Variants in FMNL3 observed in about 807,000 individuals in gnomAD.
FMNL3 encodes formin like 3.
In FMNL3, 57 loss-of-function variants were observed where a neutral mutation model predicts 119.6. That is an observed-to-expected ratio of 0.48 (90% CI 0.39 to 0.59). FMNL3 has a LOEUF of 0.59. Among genes scored for constraint, FMNL3 ranks in the 20% least tolerant of loss-of-function variants. FMNL3 has a pLI of 0.00. For missense variants in FMNL3, 1,053 were observed against 1,323.5 expected, an observed-to-expected ratio of 0.80 and a Z score of 3.17; for synonymous variants, 491 against 507.3, an observed-to-expected ratio of 0.97 and a Z score of 0.43.
At position 49,657,192 on chromosome 12, in the gene FMNL3, T is replaced by A; in HGVS notation, c.606-2A>T. On this transcript the variant is annotated splice_acceptor_variant, in intron 6 of 25. Coordinates refer to ENST00000335154, the MANE Select transcript of FMNL3 (RefSeq NM_175736.5). LOFTEE classifies it high-confidence loss of function. Reference sequence around the variant, plus strand: ...CTGCGCCCAGGGAGAGTGCTATACCTGGGGAGATGGGCCAGGCAGTCAGGT... The same window carrying A: ...CTGCGCCCAGGGAGAGTGCTATACCAGGGGAGATGGGCCAGGCAGTCAGGT... 6.2e-7 allele frequency: 1 copy of A among 1,611,502 alleles called. No individual in the cohort carries two copies. Among genetic ancestry groups the A allele is most frequent in the Non-Finnish European group, 8.5e-7 (1 of 1,177,876 alleles).
rs1437635788 is a variant in FMNL3 at position 49,637,585 on chromosome 12, G to T, written c.*8230C>A. 1 of 1,613,002 alleles carries T rather than the reference G, an allele frequency of 6.2e-7. No homozygotes were observed. Among genetic ancestry groups the T allele is most frequent in the East Asian group, 2.2e-5 (1 of 44,872 alleles). On this transcript the variant is annotated 3_prime_UTR_variant, in exon 26 of 26. Coordinates refer to ENST00000335154, the MANE Select transcript of FMNL3 (RefSeq NM_175736.5). ...TTTGCCAACATGCTGGGCCAGCCGG[G>T]TAAGGCAGCCAGGCTCCCCCTTCTC...
intron 21 of FMNL3, 70 bp downstream of exon 21, chr12:49,648,959 T>C (rs1013738208): frequency 1.2e-5 from 18 of 1,519,314 alleles, no homozygotes; most frequent in Middle Eastern, 3.6e-4. Flanking sequence ...GTGTTCTCTC[T>C]CCTCATAGCT....
intron 5 of FMNL3, 26 bp from the exon 6 acceptor site, chr12:49,658,620 GCATACACAGGCA>G (rs781199074): frequency 2.2e-5 from 34 of 1,572,898 alleles, no homozygotes; most frequent in Admixed American, 3.6e-5. Context: ...ACACACATGC[GCATACACAGGCA>G]CATACACAGG....
chr12:49,648,884 C>T (rs1211844575), intron 21 of FMNL3, 145 bp downstream of exon 21: 8 of 1,294,314 alleles, frequency 6.2e-6, no homozygotes. Context: ...CTGCTTAAGG[C>T]TCCAGCGGAA....
At chr12:49,671,500 C>T (rs900025109) in intron 1 of FMNL3, among the ~76,000 whole-genome samples, 12 of 152,208 alleles carry the variant, frequency 7.9e-5, no homozygotes, top group Non-Finnish European at 1.5e-4. Context: ...TCAGAAGAAA[C>T]GGGTCACTGG....
chr12:49,636,949 TCTGTG>T lies in FMNL3; in HGVS notation c.*8861_*8865del. On this transcript the variant is annotated 3_prime_UTR_variant, in exon 26 of 26. Transcript: ENST00000335154. The stretch of plus-strand genomic sequence containing the variant: ...CCTTCTGGATACGCTGCCTGTTCTT[TCTGTG>T]CCTAGCCCTGTCCAAGCTCTATGAG... 1 of 1,558,242 alleles carries T rather than the reference TCTGTG, an allele frequency of 6.4e-7. No homozygotes were observed. The highest frequency in any genetic ancestry group is 1.2e-5 in the South Asian group (1 of 86,182).
chr12:49,651,287 G>A lies in FMNL3; in HGVS notation c.1678C>T (p.Arg560Ter), dbSNP rs773386245. ...VVLTVGLSAIRIKKPIKTKFR... is the reference protein window; with the variant it reads ...VVLTVGLSAI Reference sequence around the variant, plus strand: ...TTGGTCTTGATAGGTTTCTTAATTCGAATGGCTAATTTGGAAGGAGGATCA... The same window carrying A: ...TTGGTCTTGATAGGTTTCTTAATTCAAATGGCTAATTTGGAAGGAGGATCA... The change falls in exon 16 of 26, where the codon CGA becomes TGA. Residue 560 changes from arginine (R) to a stop codon, truncating the protein, a stop_gained. Transcript: ENST00000335154. LOFTEE classifies it high-confidence loss of function. The A allele has an allele frequency of 1.9e-6, 3 of 1,611,822 alleles. No homozygotes were observed. The highest frequency in any genetic ancestry group is 1.7e-6 in the Non-Finnish European group (2 of 1,178,078).
chr12:49,669,056 T>TGTTG (rs112371204), intron 1 of FMNL3, among the ~76,000 whole-genome samples: 1 of 152,030 alleles, frequency 6.6e-6, no homozygotes, highest in Non-Finnish European at 1.5e-5. Context: ...CAACATCCAT[T>TGTTG]CCCATGGGCA....
Position 49,651,961 on chromosome 12 carries a change from G to C in FMNL3, c.1575C>G (p.Pro525=). 1.2e-6 allele frequency: 2 copies of C among 1,603,434 alleles called. No homozygotes were observed. The highest frequency in any genetic ancestry group is 1.8e-4 in the Middle Eastern group (1 of 5,652). ...GTAATGGGGGAGGTGGAGGGGGCAA[G>C]GGCGGAGCTGGTGGTGGAGGAAGAG... ...VLPLPPPPAP[P]LPPPPPPLPD... Residue 525 remains proline (P), a synonymous_variant, in exon 14 of 26, where the codon CCC becomes CCG. Coordinates refer to ENST00000335154, the MANE Select transcript of FMNL3 (RefSeq NM_175736.5).
At position 49,706,600 on chromosome 12, in the gene FMNL3, G is replaced by A. The variant is rs555204243; in HGVS notation, c.126+455C>T. Among the ~76,000 whole-genome samples, 423 of 152,196 alleles carry A rather than the reference G, an allele frequency of 2.8e-3. 5 individuals carry two copies. The highest frequency in any genetic ancestry group is 7.2e-3 in the East Asian group (37 of 5,166). On this transcript the variant is annotated intron_variant, in intron 1 of 25. Coordinates refer to ENST00000335154, the MANE Select transcript of FMNL3 (RefSeq NM_175736.5). Reference sequence around the variant, plus strand: ...GGGCTGGGAGTGGGACCCACTCCCTGGGAAGCCTCCATGTTCGCAGGAGAG... The same window carrying A: ...GGGCTGGGAGTGGGACCCACTCCCTAGGAAGCCTCCATGTTCGCAGGAGAG...
intron 25 of FMNL3, among the ~76,000 whole-genome samples, chr12:49,646,265 T>C (rs960472028): frequency 6.6e-6 from 1 of 152,192 alleles, no homozygotes; most frequent in Non-Finnish European, 1.5e-5. Flanking sequence ...AGAGCTCTTA[T>C]GAGAAGAGAA....
chr12:49,686,437 G>C (rs958936772), intron 1 of FMNL3, among the ~76,000 whole-genome samples: 2 of 151,710 alleles, frequency 1.3e-5, no homozygotes, highest in African/African-American at 4.8e-5. Context: ...AAAAAATTAG[G>C]CGTGGTGGCG....
At chr12:49,674,910 G>A (rs1487097054) in intron 1 of FMNL3, among the ~76,000 whole-genome samples, 1 of 152,208 alleles carries the variant, frequency 6.6e-6, no homozygotes, top group Non-Finnish European at 1.5e-5. Flanking sequence ...TCACACCAGG[G>A]AAGTCAGATG....
rs79437750 is a variant in FMNL3 at position 49,659,279 on chromosome 12, C to T, written c.453-685G>A. Among the ~76,000 whole-genome samples, 1,062 of 152,292 alleles carry T rather than the reference C, an allele frequency of 7.0e-3. 5 individuals are homozygous for T. Among genetic ancestry groups the T allele is most frequent in the Non-Finnish European group, 0.013 (853 of 67,998 alleles). On this transcript the variant is annotated intron_variant, in intron 5 of 25. Transcript: ENST00000335154. ...TCAGGTATACAGGCTCCCTGGGCTT[C>T]AGTTTCCCTGGGGGAAGAAATTACA...
In FMNL3 at chr12:49,658,475, C is replaced by T. The variant is rs1264702530; in HGVS notation, c.572G>A (p.Ser191Asn). The T allele has an allele frequency of 1.9e-6, 3 of 1,612,360 alleles. No individual in the cohort carries two copies. In the East Asian group the frequency reaches 6.7e-5, roughly 36 times the overall value. Reference protein sequence around the residue: ...PSALSAPFTNSLARSARQSVL... With the variant: ...PSALSAPFTNNLARSARQSVL... ...AGACTGGCGCGCAGAGCGAGCGAGG[C>T]TGTTGGTGAAGGGGGCCGACAGGGC... is the stretch of plus-strand genomic sequence containing the variant. Residue 191 changes from serine (S) to asparagine (N), a missense_variant, in exon 6 of 26, where the codon AGC (serine) becomes AAC (asparagine). Physicochemically the swap from Ser to Asn is conservative, Grantham distance 46 (BLOSUM62 1). Transcript: ENST00000335154.
chr12:49,649,324 C>A lies in FMNL3; in HGVS notation c.2320G>T (p.Gly774Trp). Reference protein sequence around the residue: ...KQMLEIILALGNYMNSSKRGA... With the variant: ...KQMLEIILALWNYMNSSKRGA... ...CGCTTGCTGCTGTTCATGTAGTTCC[C>A]CAGTGCAAGTATGATCTGTCCAAAG... Residue 774 changes from glycine (G) to tryptophan (W), a missense_variant, in exon 20 of 26, where the codon GGG (glycine) becomes TGG (tryptophan). By Grantham distance (184) the Gly-to-Trp change is radical. Around this residue, in one of 4 missense-constraint regions of FMNL3, gnomAD observed 324 missense variants for 380.9 expected, o/e 0.85. Transcript: ENST00000335154. This position sits in a 1 kb window ranked among gnomAD's most constrained non-coding sequence, Gnocchi z 5.6. 1 of 1,614,176 alleles carries A rather than the reference C, an allele frequency of 6.2e-7. No homozygotes were observed. Among genetic ancestry groups the A allele is most frequent in the Non-Finnish European group, 8.5e-7 (1 of 1,180,034 alleles).
rs747926512 is a variant in FMNL3, at chr12:49,648,334, C to T, written c.2535G>A (p.Leu845=). 14 of 1,612,554 alleles carry T rather than the reference C, an allele frequency of 8.7e-6. No homozygotes were observed. The African/African-American group carries it at 1.5e-4, about 17-fold the overall frequency. ...CCCGGCCCAGCTCCTTCACGTCCAG[C>T]AGCACGTTCTCCAGGGACACTGGTC... The part of the protein sequence containing the change: ...KAAAVSLENV[L]LDVKELGRGM... Residue 845 remains leucine, a synonymous_variant, in exon 22 of 26, where the codon CTG becomes CTA. Coordinates refer to ENST00000335154, the MANE Select transcript of FMNL3 (RefSeq NM_175736.5).
In FMNL3 at chr12:49,644,591, AC is replaced by A. The variant is rs1410576437; in HGVS notation, c.*1223del. On this transcript the variant is annotated 3_prime_UTR_variant, in exon 26 of 26. Transcript: ENST00000335154. ...CCTGCCCTGGCCCTGAGGCTCCACC[AC>A]TTCTTCCTCCACCCAGGACCTAATG... The A allele has an allele frequency of 4.2e-6, 1 of 235,326 alleles. No individual in the cohort carries two copies. The highest frequency in any genetic ancestry group is 2.2e-5 in the African/African-American group (1 of 44,620). The allele number at this position is 235,326 out of a possible 1,614,324, so 14.6% of individuals were successfully genotyped here.
In FMNL3 at chr12:49,666,226, T is replaced by C; in HGVS notation, c.211-19A>G. On this transcript the variant is annotated intron_variant, in intron 2 of 25. Coordinates refer to ENST00000335154, the MANE Select transcript of FMNL3 (RefSeq NM_175736.5). ...ATCGTTCCTGTAAGGGAAACATGCA[T>C]ATGCGTATCCACAAAGACAACCAGA... is the stretch of plus-strand genomic sequence containing the variant. The C allele has an allele frequency of 6.2e-7, 1 of 1,606,686 alleles. No homozygotes were observed. The highest frequency in any genetic ancestry group is 8.5e-7 in the Non-Finnish European group (1 of 1,174,858).
Sources: allele counts gnomAD v4.1 joint callset (sites outside exome capture counted in the v4.1 genomes callset), GRCh38; gene constraint gnomAD v4.1.1; regional missense constraint gnomAD v4.1.1; non-coding constraint Gnocchi (gnomAD v3.1); transcripts MANE v1.5; gene names NCBI Gene and HGNC (gene_info 2026-07-23, HGNC 2026-07-21).